SPOP: variants seen among roughly 807,000 people sequenced by gnomAD.
The protein encoded by SPOP is speckle type BTB/POZ protein.
In SPOP, 11 loss-of-function variants were observed where a neutral mutation model predicts 45.6. The ratio of observed to expected loss-of-function variants is 0.24; its 90% CI spans 0.15 to 0.40. The LOEUF (loss-of-function observed/expected upper bound fraction) is 0.40, where lower values mean the gene tolerates loss of function less well. Ranked by LOEUF, SPOP falls within the 10% of genes least tolerant of loss-of-function variation. The pLI is 1.00. For synonymous variants in SPOP, 166 were observed against 166.3 expected (o/e 1.00, Z 0.01); for missense variants, 152 against 465.6 (o/e 0.33, Z 6.20).
Position 49,619,974 on chromosome 17 carries a change from C to G in SPOP, c.201-589G>C, listed in dbSNP as rs541119306. 6.6e-6 allele frequency among the ~76,000 whole-genome samples: 1 copy of G among 151,342 alleles called. No homozygotes were observed. Among genetic ancestry groups the G allele is most frequent in the Non-Finnish European group, 1.5e-5 (1 of 67,884 alleles). ...AGGACTTCGAGGCCAGCCTGGCCAA[C>G]GTGGTGAAACCCCGTCTCTACTAAA... On this transcript the variant is annotated intron_variant, in intron 3 of 9. Transcript: ENST00000504102. This position sits in a 1 kb window ranked among gnomAD's most constrained non-coding sequence, Gnocchi z 4.9.
intron 5 of SPOP, among the ~76,000 whole-genome samples, chr17:49,616,942 C>A (rs192197685): frequency 2.6e-5 from 4 of 152,314 alleles, no homozygotes; most frequent in East Asian, 3.9e-4. Flanking sequence ...AAGAGAATTT[C>A]ATATGGGGAA....
chr17:49,625,673 A>T (rs576227061), intron 1 of SPOP, among the ~76,000 whole-genome samples: 10 of 145,434 alleles, frequency 6.9e-5, no homozygotes, highest in Non-Finnish European at 1.2e-4. Context: ...CAGAGCTAAT[A>T]AAAAAAAGCA....
In SPOP at chr17:49,661,209, A is replaced by C. The variant is rs566287623; in HGVS notation, c.-67+16724T>G. Reference sequence around the variant, plus strand: ...CCCTAATCATGTTATTTCTTCAATCAAAAGTTTTCAATCTCTCATGCTTTA... The same window carrying C: ...CCCTAATCATGTTATTTCTTCAATCCAAAGTTTTCAATCTCTCATGCTTTA... On this transcript the variant is annotated intron_variant, in intron 1 of 9. Coordinates refer to ENST00000504102, the MANE Select transcript of SPOP (RefSeq NM_001007228.2). Among the ~76,000 whole-genome samples the C allele has an allele frequency of 2.6e-5, 4 of 152,298 alleles. No homozygotes were observed. The East Asian group carries it at 7.7e-4, about 29-fold the overall frequency.
intron 1 of SPOP, among the ~76,000 whole-genome samples, chr17:49,624,561 C>T (rs1190535584): frequency 2.0e-5 from 3 of 152,098 alleles, no homozygotes; most frequent in African/African-American, 7.2e-5. Flanking sequence ...CTCTGCCTCC[C>T]AGGCTCAAGC....
At chr17:49,627,049 C>T (rs559055068) in intron 1 of SPOP, among the ~76,000 whole-genome samples, 6 of 152,118 alleles carry the variant, frequency 3.9e-5, no homozygotes, top group Non-Finnish European at 8.8e-5. Context: ...CAGGGTTTCA[C>T]CATGTTAGCC....
chr17:49,645,609 A>T (rs918534338), intron 1 of SPOP, among the ~76,000 whole-genome samples: 3 of 152,076 alleles, frequency 2.0e-5, no homozygotes, highest in African/African-American at 7.2e-5. Context: ...AGCACATCTT[A>T]AATAAAAATA....
At chr17:49,609,694 G>A (rs1474754142) in intron 6 of SPOP, among the ~76,000 whole-genome samples, 2 of 152,062 alleles carry the variant, frequency 1.3e-5, no homozygotes, top group African/African-American at 4.8e-5. Context: ...GCATGGAGGT[G>A]AACTGAGGAT....
At chr17:49,611,962 A>G (rs1007266540) in intron 5 of SPOP, among the ~76,000 whole-genome samples, 3 of 150,914 alleles carry the variant, frequency 2.0e-5, no homozygotes, top group Non-Finnish European at 2.9e-5. Context: ...GGCTCACTGC[A>G]GCGTTGACCT....
chr17:49,672,962 A>G (rs1280890991), intron 1 of SPOP, among the ~76,000 whole-genome samples: 2 of 152,068 alleles, frequency 1.3e-5, no homozygotes, highest in Non-Finnish European at 2.9e-5. Context: ...AAAAACAAAA[A>G]ACAGTATCAT....
In SPOP at chr17:49,677,936, A is replaced by C. The variant is rs541995662; in HGVS notation, c.-70T>G. On this transcript the variant is annotated 5_prime_UTR_variant, in exon 1 of 10. Transcript: ENST00000504102. The stretch of plus-strand genomic sequence containing the variant: ...CGACTCTCCTCCCCCCACTCACCTG[A>C]GAGCGGCGGCGACAGCTGCTGGTCC... The C allele has an allele frequency of 5.6e-5, 7 of 125,246 alleles. No individual in the cohort carries two copies. Among genetic ancestry groups the C allele is most frequent in the Non-Finnish European group, 7.7e-5 (5 of 65,266 alleles). The allele number at this position is 125,246 out of a possible 1,614,324, so 7.8% of individuals were successfully genotyped here. A position where few individuals can be genotyped will look rare whatever the true frequency, so the allele number is the denominator to read the frequency against.
intron 1 of SPOP, among the ~76,000 whole-genome samples, chr17:49,664,239 C>A (rs568007298): frequency 1.8e-4 from 28 of 152,280 alleles, no homozygotes; most frequent in African/African-American, 6.3e-4. Context: ...AAATACTTCT[C>A]CCTTTTCCAA....
chr17:49,637,603 G>A (rs573054600), intron 1 of SPOP, among the ~76,000 whole-genome samples: 75 of 152,140 alleles, frequency 4.9e-4, no homozygotes, highest in Non-Finnish European at 7.8e-4. Flanking sequence ...TGCCCACCTC[G>A]ACCTCCCAAA....
intron 1 of SPOP, among the ~76,000 whole-genome samples, chr17:49,659,441 G>A (rs2143524944): frequency 6.6e-6 from 1 of 152,230 alleles, no homozygotes; most frequent in South Asian, 2.1e-4. Context: ...ATATCTCAAA[G>A]TTATCTTTCA....
intron 1 of SPOP, among the ~76,000 whole-genome samples, chr17:49,629,194 T>G (rs761867882): frequency 6.6e-6 from 1 of 151,910 alleles, no homozygotes; most frequent in African/African-American, 2.4e-5. Context: ...GAGAGCCGAG[T>G]TGGTGCCACT....
At chr17:49,605,742 C>T (rs946839485) in intron 8 of SPOP, among the ~76,000 whole-genome samples, 2 of 151,554 alleles carry the variant, frequency 1.3e-5, no homozygotes, top group Non-Finnish European at 2.9e-5. Flanking sequence ...AATCCCAGCA[C>T]TTTGGGAGGC....
chr17:49,676,414 C>T (rs1199780868), intron 1 of SPOP, among the ~76,000 whole-genome samples: 1 of 152,160 alleles, frequency 6.6e-6, no homozygotes, highest in Non-Finnish European at 1.5e-5. Context: ...ACAGCAGAAC[C>T]CTGTAAGGGC....
At chr17:49,666,828 CA>C (rs1042552669) in intron 1 of SPOP, among the ~76,000 whole-genome samples, 2 of 151,526 alleles carry the variant, frequency 1.3e-5, no homozygotes, top group Non-Finnish European at 2.9e-5. Context: ...GACTCCATCT[CA>C]AAAAAACAAA....
At chr17:49,650,710 T>C (rs2072832107) in intron 1 of SPOP, among the ~76,000 whole-genome samples, 1 of 152,222 alleles carries the variant, frequency 6.6e-6, no homozygotes, top group South Asian at 2.1e-4. Context: ...TAGTAAAAAT[T>C]GACAAAACTT....
At chr17:49,637,271 A>G (rs2072559001) in intron 1 of SPOP, among the ~76,000 whole-genome samples, 1 of 152,080 alleles carries the variant, frequency 6.6e-6, no homozygotes, top group African/African-American at 2.4e-5. Context: ...CCTTTATCTC[A>G]CTAGCTCTGA....
Sources: gnomAD v4.1 joint callset for allele counts (sites outside exome capture counted in the v4.1 genomes callset) on GRCh38, gnomAD v4.1.1 for gene constraint, Gnocchi (gnomAD v3.1) non-coding constraint, MANE v1.5 for transcripts, NCBI Gene and HGNC (gene_info 2026-07-23, HGNC 2026-07-21) for gene names.